Variants in MINAR1 observed in about 807,000 individuals in gnomAD.
MINAR1 encodes membrane integral NOTCH2 associated receptor 1.
A neutral mutation model predicts 65.1 loss-of-function variants in MINAR1; 40 were observed. The observed-to-expected ratio is 0.61, with a 90% CI of 0.48 to 0.80. The LOEUF is 0.80. Ranked by LOEUF, MINAR1 falls within the 30% of genes least tolerant of loss-of-function variation. The pLI is 0.00. For missense variants in MINAR1, 1,128 were observed against 1,148.0 expected (o/e 0.98, Z 0.25); for synonymous variants, 482 against 449.1 (o/e 1.07, Z -0.93).
At position 79,456,353 on chromosome 15, in the gene MINAR1, T is replaced by C. The variant is rs573865001; in HGVS notation, c.206T>C (p.Met69Thr). ...NFPATLFKDK[M>T]KCTVNNQQSK... ...CCAGCCACGCTATTCAAAGACAAGA[T>C]GAAATGCACTGTGAATAACCAGCAA... Residue 69 changes from methionine to threonine, a missense_variant, in exon 2 of 4, where the codon ATG becomes ACG. By Grantham distance (81) the Met-to-Thr change is moderately conservative (BLOSUM62 -1). Coordinates refer to ENST00000305428, the MANE Select transcript of MINAR1 (RefSeq NM_015206.3). 17 of 1,614,098 alleles carry C rather than the reference T, an allele frequency of 1.1e-5. No homozygotes were observed. In the African/African-American group the frequency reaches 1.1e-4, roughly 10 times the overall value.
chr15:79,457,644 T>A lies in MINAR1; in HGVS notation c.1497T>A (p.Ser499Arg). 1 of 1,614,164 alleles carries A rather than the reference T, an allele frequency of 6.2e-7. No homozygotes were observed. Among genetic ancestry groups the A allele is most frequent in the Non-Finnish European group, 8.5e-7 (1 of 1,180,034 alleles). Reference protein sequence around the residue: ...DLCTSGQGKYSDRHTMKHSDD... With the variant: ...DLCTSGQGKYRDRHTMKHSDD... ...GCACCTCTGGTCAGGGCAAGTACAG[T>A]GACAGGCACACCATGAAGCACTCAG... The change falls in exon 2 of 4, where the codon AGT (serine) becomes AGA (arginine). Residue 499 changes from serine (S) to arginine (R), a missense_variant. By Grantham distance (110) the Ser-to-Arg change is moderately radical. Transcript: ENST00000305428.
chr15:79,437,795 G>C (rs1193621368), intron 1 of MINAR1, among the ~76,000 whole-genome samples: 1 of 77,944 alleles, frequency 1.3e-5, no homozygotes, highest in African/African-American at 4.5e-5. Context: ...TGTGGGGTGT[G>C]GGGTTGGCAG....
the MINAR1 span, chr15:79,418,955 C>G: frequency 1.3e-5 from 2 of 152,252 alleles, no homozygotes; most frequent in Non-Finnish European, 2.9e-5. Context: ...GCTAAGAAAA[C>G]GAGCCTGCAA....
intron 1 of MINAR1, among the ~76,000 whole-genome samples, chr15:79,444,992 A>G (rs1894974780): frequency 6.6e-6 from 1 of 151,968 alleles, no homozygotes; most frequent in African/African-American, 2.4e-5. Flanking sequence ...ATCTCTATGC[A>G]TTATTGTGAA....
intron 1 of MINAR1, among the ~76,000 whole-genome samples, chr15:79,433,626 G>A (rs1364534332): frequency 6.6e-6 from 1 of 152,192 alleles, no homozygotes; most frequent in Non-Finnish European, 1.5e-5. Context: ...ATTATGCATG[G>A]CATGAAGAGT....
At chr15:79,444,288 T>C (rs1894948944) in intron 1 of MINAR1, among the ~76,000 whole-genome samples, 1 of 152,240 alleles carries the variant, frequency 6.6e-6, no homozygotes, top group South Asian at 2.1e-4. Flanking sequence ...CCATAAATGT[T>C]ACCTATGTTA....
chr15:79,459,257 T>G (rs1421434817), intron 2 of MINAR1, among the ~76,000 whole-genome samples: 1 of 152,204 alleles, frequency 6.6e-6, no homozygotes, highest in Non-Finnish European at 1.5e-5. Flanking sequence ...TTTCCTTTCC[T>G]TTTTAGTTTT....
chr15:79,452,073 T>C (rs1474905601), intron 1 of MINAR1, among the ~76,000 whole-genome samples: 3 of 152,050 alleles, frequency 2.0e-5, no homozygotes, highest in Non-Finnish European at 4.4e-5. Context: ...GAGGTGTGAA[T>C]GTGTTTGTGG....
the MINAR1 span, chr15:79,417,607 T>G: frequency 1.3e-5 from 2 of 152,262 alleles, no homozygotes; most frequent in African/African-American, 4.8e-5. Context: ...TTTATGAGGC[T>G]GCAGCAGCTG....
rs990495318 is a variant in MINAR1, at chr15:79,468,562, T to C, written c.*178T>C. The C allele has an allele frequency of 1.5e-5, 9 of 615,118 alleles. No individual in the cohort carries two copies. The African/African-American group carries it at 1.7e-4, about 11-fold the overall frequency. 38.1% of individuals were successfully genotyped at this position (615,118 alleles called of 1,614,324 possible). ...TATACATTCTAGTGAGAAATCTACC[T>C]ACCTATTAGCTTTGACTCAATTACA... On this transcript the variant is annotated 3_prime_UTR_variant, in exon 4 of 4. Coordinates refer to ENST00000305428, the MANE Select transcript of MINAR1 (RefSeq NM_015206.3).
At chr15:79,446,742 G>A (rs1257193221) in intron 1 of MINAR1, among the ~76,000 whole-genome samples, 1 of 151,912 alleles carries the variant, frequency 6.6e-6, no homozygotes, top group Non-Finnish European at 1.5e-5. Context: ...TTCAATTCTG[G>A]AACATTCTTA....
chr15:79,462,524 C>G (rs1358678870), intron 2 of MINAR1, among the ~76,000 whole-genome samples: 1 of 152,188 alleles, frequency 6.6e-6, no homozygotes, highest in Non-Finnish European at 1.5e-5. Flanking sequence ...CTAGAGGCTC[C>G]CAACATGTGC....
the MINAR1 span, chr15:79,426,892 C>T: frequency 6.6e-6 from 1 of 152,352 alleles, no homozygotes; most frequent in East Asian, 1.9e-4. Context: ...ATAATTCCTA[C>T]CATTTGTCCC....
chr15:79,433,878 G>T (rs1009209266), intron 1 of MINAR1, among the ~76,000 whole-genome samples: 1 of 152,174 alleles, frequency 6.6e-6, no homozygotes, highest in Non-Finnish European at 1.5e-5. Flanking sequence ...TTTGGGTATT[G>T]TTGAAATAAG....
In MINAR1 at chr15:79,432,343, G is replaced by C. The variant is rs1894464886; in HGVS notation, c.-248G>C. The stretch of plus-strand genomic sequence containing the variant: ...CGCCGCGCGTGTGAGCGCAGACCTG[G>C]ACTCGGGCGGCGGAGGCGAAAGTCG... On this transcript the variant is annotated 5_prime_UTR_variant, in exon 1 of 4. Coordinates refer to ENST00000305428, the MANE Select transcript of MINAR1 (RefSeq NM_015206.3). 1.3e-5 allele frequency among the ~76,000 whole-genome samples: 2 copies of C among 152,198 alleles called. No individual in the cohort carries two copies.
At position 79,472,300 on chromosome 15, in the gene MINAR1, T is replaced by TAA. The variant is rs1294232599; in HGVS notation, c.*3919_*3920dup. On this transcript the variant is annotated 3_prime_UTR_variant, in exon 4 of 4. Transcript: ENST00000305428. The stretch of plus-strand genomic sequence containing the variant: ...AATCAGAAATAAACCGAAAAAAATA[T>TAA]AAAATGTCTTGCAGTGAGAGTTGAT... 2 of 152,624 alleles carry TAA rather than the reference T, an allele frequency of 1.3e-5. No individual in the cohort carries two copies. Among genetic ancestry groups the TAA allele is most frequent in the Non-Finnish European group, 2.9e-5 (2 of 68,026 alleles). 9.5% of individuals were successfully genotyped at this position (152,624 alleles called of 1,614,324 possible). A position where few individuals can be genotyped will look rare whatever the true frequency, so the allele number is the denominator to read the frequency against.
intron 1 of MINAR1, among the ~76,000 whole-genome samples, chr15:79,433,269 G>A (rs182773816): frequency 7.0e-4 from 107 of 152,330 alleles, no homozygotes; most frequent in African/African-American, 2.3e-3. Flanking sequence ...TGCGGGGAGC[G>A]TAACATTTGA....
chr15:79,456,576 G>A lies in MINAR1; in HGVS notation c.429G>A (p.Glu143=). ...AGCCCCTGAACTGTGAGCTGAGTGA[G>A]AGGTCTTTCAGCCGGGGCTACCCCA... ...ECEPLNCELS[E]RSFSRGYPIR... The change falls in exon 2 of 4, where the codon GAG becomes GAA. Residue 143 remains glutamate (E), a synonymous_variant. Coordinates refer to ENST00000305428, the MANE Select transcript of MINAR1 (RefSeq NM_015206.3). 1 of 1,614,152 alleles carries A rather than the reference G, an allele frequency of 6.2e-7. No homozygotes were observed. The highest frequency in any genetic ancestry group is 1.1e-5 in the South Asian group (1 of 91,090).
chr15:79,431,501 ATG>A (rs10551920), upstream of MINAR1, among the ~76,000 whole-genome samples: 42,030 of 133,502 alleles, frequency 0.31, 6,416 homozygotes, highest in South Asian at 0.36. Context: ...ATGAGTGAGT[ATG>A]TGTGTGTGTG....
Sources: gnomAD v4.1 joint callset for allele counts (sites outside exome capture counted in the v4.1 genomes callset) on GRCh38, gnomAD v4.1.1 for gene constraint, MANE v1.5 for transcripts, NCBI Gene and HGNC (gene_info 2026-07-23, HGNC 2026-07-21) for gene names.